The following CNGA3 variants were observed in gnomAD, a reference collection of about 807,000 sequenced individuals.
CNGA3 encodes the protein cyclic nucleotide gated channel subunit alpha 3, also known as cyclic nucleotide-gated channel alpha-3.
CNGA3 carries 42 observed loss-of-function variants against 46.6 expected under a neutral mutation model. That is an observed-to-expected ratio of 0.90 (90% CI 0.70 to 1.17). The LOEUF is 1.17. Among genes scored for constraint, CNGA3 ranks in the 50% most tolerant of loss-of-function variants. The probability of loss-of-function intolerance (pLI) is 0.00; values close to 1 mark genes in which losing one functional copy is unlikely to be tolerated. For missense variants in CNGA3, 893 were observed against 890.7 expected, an observed-to-expected ratio of 1.00 and a Z score of -0.03; for synonymous variants, 394 against 369.4, an observed-to-expected ratio of 1.07 and a Z score of -0.76.
chr2:98,354,086 T>C (rs1387535429), intron 1 of CNGA3, among the ~76,000 whole-genome samples: 1 of 152,238 alleles, frequency 6.6e-6, no homozygotes, highest in African/African-American at 2.4e-5. Flanking sequence ...ATCACCTACG[T>C]ACAACCTCCT....
intron 1 of CNGA3, among the ~76,000 whole-genome samples, chr2:98,359,849 G>A (rs900947525): frequency 6.6e-6 from 1 of 152,262 alleles, no homozygotes; most frequent in African/African-American, 2.4e-5. Flanking sequence ...CCAGGGAAGA[G>A]TCCCAGGCAG....
chr2:98,362,706 T>A (rs1692061987), intron 1 of CNGA3, among the ~76,000 whole-genome samples: 1 of 152,240 alleles, frequency 6.6e-6, no homozygotes, highest in Non-Finnish European at 1.5e-5. Context: ...GCTTTTGATG[T>A]TTTTGTCATG....
At chr2:98,372,985 G>A (rs1692321553) in intron 2 of CNGA3, among the ~76,000 whole-genome samples, 1 of 152,208 alleles carries the variant, frequency 6.6e-6, no homozygotes, top group Non-Finnish European at 1.5e-5. Context: ...TTCAAAATGA[G>A]AGACAGAAAG....
intron 2 of CNGA3, among the ~76,000 whole-genome samples, chr2:98,376,550 C>T (rs1183154071): frequency 1.3e-5 from 2 of 151,984 alleles, no homozygotes; most frequent in African/African-American, 2.4e-5. Context: ...GAGTGAGCTC[C>T]CTGTTGCTGG....
Position 98,395,977 on chromosome 2 carries a change from C to T in CNGA3, c.807C>T (p.Asn269=). 1 of 1,614,236 alleles carries T rather than the reference C, an allele frequency of 6.2e-7. No individual in the cohort carries two copies. Among genetic ancestry groups the T allele is most frequent in the Non-Finnish European group, 8.5e-7 (1 of 1,180,046 alleles). ...TDLAYLKVGT[N]YPEVRFNRLL... ...TGGCTTACTTAAAGGTGGGCACAAA[C>T]TACCCAGAAGTGAGGTTCAACCGCC... The change falls in exon 8 of 8, where the codon AAC becomes AAT. Residue 269 remains asparagine (N), a synonymous_variant. Transcript: ENST00000272602.
rs1156621496 is a variant in CNGA3, at chr2:98,389,861, G to A, written c.566+87G>A. 3.9e-6 allele frequency: 4 copies of A among 1,032,782 alleles called. No homozygotes were observed. In the South Asian group the frequency reaches 4.0e-5, roughly 10 times the overall value. The allele number at this position is 1,032,782 out of a possible 1,614,324, so 64.0% of individuals were successfully genotyped here. A position where few individuals can be genotyped will look rare whatever the true frequency, so the allele number is the denominator to read the frequency against. On this transcript the variant is annotated intron_variant, in intron 6 of 7. Transcript: ENST00000272602. ...CCAGAGCTCCACCTCTCCCTCGGGA[G>A]GCCTGAGGCCTGGACCCCTCACGGC...
Position 98,391,222 on chromosome 2 carries a change from C to T in CNGA3, c.567-642C>T, listed in dbSNP as rs150295671. Among the ~76,000 whole-genome samples, 23 of 152,308 alleles carry T rather than the reference C, an allele frequency of 1.5e-4. No individual in the cohort carries two copies. In the East Asian group the frequency reaches 4.1e-3, roughly 27 times the overall value. On this transcript the variant is annotated intron_variant, in intron 6 of 7. Transcript: ENST00000272602. ...GGTGAAAACTGGAAGAACTTGGAGC[C>T]TGTCCCAGCGAGCAGACAGGATGGG...
chr2:98,347,717 G>T (rs1172354997), intron 1 of CNGA3, among the ~76,000 whole-genome samples: 1 of 152,168 alleles, frequency 6.6e-6, no homozygotes, highest in African/African-American at 2.4e-5. Flanking sequence ...GCACCCCGAC[G>T]GCAGACGCTC....
intron 3 of CNGA3, chr2:98,378,071 C>G: frequency 6.4e-7 from 1 of 1,550,584 alleles, no homozygotes; most frequent in African/African-American, 1.4e-5. Context: ...TGGAAGAATT[C>G]AGAAAAAAAG....
At chr2:98,386,647 C>CT (rs1692660691) in intron 5 of CNGA3, among the ~76,000 whole-genome samples, 2 of 152,176 alleles carry the variant, frequency 1.3e-5, no homozygotes, top group South Asian at 4.1e-4. Context: ...GTAGGTTATC[C>CT]TGGATTATCA....
chr2:98,395,788 A>G (rs1692896312), intron 7 of CNGA3, 56 bp from the exon 8 acceptor site: 1 of 1,440,942 alleles, frequency 6.9e-7, no homozygotes, highest in African/African-American at 1.4e-5. Context: ...TCTTTGTACT[A>G]TGGTCAAAAA....
At chr2:98,349,590 T>C (rs1691730915) in intron 1 of CNGA3, among the ~76,000 whole-genome samples, 1 of 152,132 alleles carries the variant, frequency 6.6e-6, no homozygotes, top group African/African-American at 2.4e-5. Flanking sequence ...AGATGGGAGA[T>C]GAGCAAAGAT....
chr2:98,392,036 A>C, intron 7 of CNGA3, 66 bp downstream of exon 7: 1 of 1,391,182 alleles, frequency 7.2e-7, no homozygotes. Context: ...GAGACCCAGC[A>C]TGGTGGATGG....
chr2:98,362,973 C>T lies in CNGA3; in HGVS notation c.-37-6966C>T, dbSNP rs1161591632. On this transcript the variant is annotated intron_variant, in intron 1 of 7. Coordinates refer to ENST00000272602, the MANE Select transcript of CNGA3 (RefSeq NM_001298.3). ...GATCAGATGGTTGTAGATGTGTGGT[C>T]TTATTTCTGAGTTTTCTAGTCTGTT... Among the ~76,000 whole-genome samples, 3 of 152,020 alleles carry T rather than the reference C, an allele frequency of 2.0e-5. No homozygotes were observed. The East Asian group carries it at 5.8e-4, about 29-fold the overall frequency.
intron 1 of CNGA3, among the ~76,000 whole-genome samples, chr2:98,358,564 A>C (rs1691945117): frequency 6.6e-6 from 1 of 152,226 alleles, no homozygotes; most frequent in South Asian, 2.1e-4. Context: ...AATTAGCAAA[A>C]ATTCATACTG....
intron 1 of CNGA3, among the ~76,000 whole-genome samples, chr2:98,347,511 A>T (rs1691661965): frequency 6.6e-6 from 1 of 152,068 alleles, no homozygotes; most frequent in African/African-American, 2.4e-5. Context: ...CGCAGCTGGG[A>T]CTTTAACTTC....
chr2:98,392,289 G>A (rs909058999), intron 7 of CNGA3, among the ~76,000 whole-genome samples: 1 of 152,244 alleles, frequency 6.6e-6, no homozygotes, highest in Non-Finnish European at 1.5e-5. Flanking sequence ...GCCAGGTGCA[G>A]TGGCTCACAT....
At chr2:98,388,527 C>T (rs1361971880) in intron 5 of CNGA3, among the ~76,000 whole-genome samples, 2 of 152,200 alleles carry the variant, frequency 1.3e-5, no homozygotes, top group African/African-American at 4.8e-5. Flanking sequence ...CCTCCTGAGA[C>T]CATGTGAAGC....
intron 1 of CNGA3, among the ~76,000 whole-genome samples, chr2:98,367,326 C>CT (rs1438153778): frequency 6.6e-6 from 1 of 151,894 alleles, no homozygotes; most frequent in Admixed American, 6.5e-5. Flanking sequence ...TCCCGAGTAG[C>CT]TGGGACTACA....
Sources: allele counts gnomAD v4.1 joint callset (sites outside exome capture counted in the v4.1 genomes callset), GRCh38; gene constraint gnomAD v4.1.1; transcripts MANE v1.5; gene names NCBI Gene and HGNC (gene_info 2026-07-23, HGNC 2026-07-21).